TMEM178B: variants seen among roughly 807,000 people sequenced by gnomAD.
TMEM178B encodes transmembrane protein 178B.
A neutral mutation model predicts 31.0 loss-of-function variants in TMEM178B; 5 were observed. The observed-to-expected ratio is 0.16, with a 90% confidence interval of 0.08 to 0.34. The LOEUF (loss-of-function observed/expected upper bound fraction) is 0.34. TMEM178B is among the 10% of genes least tolerant of loss of function. TMEM178B has a pLI of 1.00. For missense variants in TMEM178B, 275 were observed against 400.3 expected (o/e 0.69, Z 2.67); for synonymous variants, 164 against 164.0 (o/e 1.00, Z 0.00).
At chr7:141,268,212 T>C (rs1798124414) in intron 2 of TMEM178B, among the ~76,000 whole-genome samples, 1 of 152,220 alleles carries the variant, frequency 6.6e-6, no homozygotes, top group Non-Finnish European at 1.5e-5. Flanking sequence ...AGACATTAGT[T>C]TGAAAAAAGT....
In TMEM178B at chr7:141,074,247, G is replaced by A. The variant is rs368492073; in HGVS notation, c.-64G>A. On this transcript the variant is annotated 5_prime_UTR_variant, in exon 1 of 4. Transcript: ENST00000565468. The surrounding 1 kb of genome is among the most constrained non-coding windows in gnomAD (Gnocchi z 5.1). ...CTCGGCCGCCCGCCGCTTTGTTCCG[G>A]GTGCGGCGAGGGAAGGCGAGGCTGC... 4.1e-6 allele frequency: 6 copies of A among 1,449,554 alleles called. No homozygotes were observed. The highest frequency in any genetic ancestry group is 5.4e-6 in the Non-Finnish European group (6 of 1,103,312). The allele number at this position is 1,449,554 out of a possible 1,614,324, so 89.8% of individuals were successfully genotyped here.
At chr7:141,383,724 G>GT (rs1386123725) in intron 2 of TMEM178B, among the ~76,000 whole-genome samples, 1 of 152,134 alleles carries the variant, frequency 6.6e-6, no homozygotes, top group Non-Finnish European at 1.5e-5. Flanking sequence ...AATCCTTTGG[G>GT]TATATACCCA....
At chr7:141,208,865 G>A (rs987861049) in intron 1 of TMEM178B, among the ~76,000 whole-genome samples, 10 of 152,240 alleles carry the variant, frequency 6.6e-5, no homozygotes, top group Non-Finnish European at 1.5e-4. Flanking sequence ...ACAAGAGGGA[G>A]TCACCAATCT....
At chr7:141,276,777 A>G (rs1798273299) in intron 2 of TMEM178B, among the ~76,000 whole-genome samples, 1 of 152,314 alleles carries the variant, frequency 6.6e-6, no homozygotes, top group East Asian at 1.9e-4. Context: ...TGGATGGTAG[A>G]GCCTACTTAC....
At chr7:141,427,758 A>G (rs1181733) in intron 2 of TMEM178B, among the ~76,000 whole-genome samples, 42,875 of 152,064 alleles carry the variant, frequency 0.28, 6,634 homozygotes, top group African/African-American at 0.39. Context: ...AACAGAGTGA[A>G]GTAACAATCT....
At chr7:141,385,303 A>T (rs1800411884) in intron 2 of TMEM178B, among the ~76,000 whole-genome samples, 1 of 152,188 alleles carries the variant, frequency 6.6e-6, no homozygotes, top group Non-Finnish European at 1.5e-5. Context: ...TTAACAGGGA[A>T]CCAGTCCCCT....
Position 141,292,241 on chromosome 7 carries a change from C to G in TMEM178B, c.496+79537C>G, listed in dbSNP as rs111519008. 4.0e-4 allele frequency among the ~76,000 whole-genome samples: 61 copies of G among 152,324 alleles called. 1 individual carries two copies. The highest frequency in any genetic ancestry group is 1.4e-3 in the African/African-American group (58 of 41,568). ...ATTCAGAATATTTATGCATATGGAG[C>G]ACAGCTGCAAACTTGTTGAATTTCT... On this transcript the variant is annotated intron_variant, in intron 2 of 3. Transcript: ENST00000565468.
chr7:141,381,965 T>C (rs1158036306), intron 2 of TMEM178B, among the ~76,000 whole-genome samples: 6 of 152,190 alleles, frequency 3.9e-5, no homozygotes, highest in Non-Finnish European at 8.8e-5. Flanking sequence ...TGCTATCTAG[T>C]TAATGTCTAA....
chr7:141,309,377 C>G (rs1010448494), intron 2 of TMEM178B, among the ~76,000 whole-genome samples: 3 of 152,166 alleles, frequency 2.0e-5, no homozygotes, highest in African/African-American at 7.2e-5. Flanking sequence ...ATAATACTCT[C>G]TCTCATTACA....
At chr7:141,092,659 G>T (rs1442231622) in intron 1 of TMEM178B, among the ~76,000 whole-genome samples, 1 of 152,138 alleles carries the variant, frequency 6.6e-6, no homozygotes, top group Non-Finnish European at 1.5e-5. Context: ...TGCCTATATG[G>T]AGCTCATATT....
intron 2 of TMEM178B, among the ~76,000 whole-genome samples, chr7:141,417,227 A>G (rs1265752871): frequency 6.6e-6 from 1 of 152,226 alleles, no homozygotes; most frequent in Non-Finnish European, 1.5e-5. Flanking sequence ...TTCATCCCAT[A>G]GAGATTTAGA....
At chr7:141,248,284 G>A (rs1005142339) in intron 2 of TMEM178B, among the ~76,000 whole-genome samples, 6 of 152,106 alleles carry the variant, frequency 3.9e-5, no homozygotes, top group South Asian at 2.1e-4. Context: ...GGTGGCAGGC[G>A]CCTGTAATCC....
chr7:141,217,558 C>T (rs1164096105), intron 2 of TMEM178B, among the ~76,000 whole-genome samples: 1 of 152,100 alleles, frequency 6.6e-6, no homozygotes, highest in Non-Finnish European at 1.5e-5. Flanking sequence ...GGGCAGACAC[C>T]CATTGGAAGG....
rs73514340 is a variant in TMEM178B, at chr7:141,464,188, T to A, written c.635-6348T>A. Reference sequence around the variant, plus strand: ...CACTGAGATGAAAGGAGGGGACCTTTGGGGACCCCTTTCTGTTTACTGTCT... The same window carrying A: ...CACTGAGATGAAAGGAGGGGACCTTAGGGGACCCCTTTCTGTTTACTGTCT... On this transcript the variant is annotated intron_variant, in intron 3 of 3. Coordinates refer to ENST00000565468, the MANE Select transcript of TMEM178B (RefSeq NM_001195278.2). 8.2e-3 allele frequency among the ~76,000 whole-genome samples: 1,249 copies of A among 152,262 alleles called. 16 individuals carry two copies. The highest frequency in any genetic ancestry group is 0.028 in the African/African-American group (1,171 of 41,548).
chr7:141,109,102 T>C (rs922004388), intron 1 of TMEM178B, among the ~76,000 whole-genome samples: 2 of 152,108 alleles, frequency 1.3e-5, no homozygotes, highest in Admixed American at 1.3e-4. Flanking sequence ...TCCAACTGGG[T>C]CCCTCCCACA....
In TMEM178B at chr7:141,474,752, T is replaced by A. The variant is rs1387649320; in HGVS notation, c.*3966T>A. 1 of 152,144 alleles carries A rather than the reference T, an allele frequency of 6.6e-6. No homozygotes were observed. Among genetic ancestry groups the A allele is most frequent in the Admixed American group, 6.5e-5 (1 of 15,284 alleles). The allele number at this position is 152,144 out of a possible 1,614,324, so 9.4% of individuals were successfully genotyped here. On this transcript the variant is annotated 3_prime_UTR_variant, in exon 4 of 4. Transcript: ENST00000565468. ...CACACTCATGATAAGATGCCGGAAA[T>A]GAATGCACTGTGTGTAGCTGTCTTG...
At chr7:141,167,036 A>G (rs1489076178) in intron 1 of TMEM178B, among the ~76,000 whole-genome samples, 2 of 152,234 alleles carry the variant, frequency 1.3e-5, no homozygotes, top group African/African-American at 4.8e-5. Flanking sequence ...GTTAAAGATC[A>G]TAGCCAGTAG....
chr7:141,216,446 TGTGCGC>T (rs1326729902), intron 2 of TMEM178B, among the ~76,000 whole-genome samples: 9 of 53,422 alleles, frequency 1.7e-4, no homozygotes, highest in African/African-American at 4.1e-4. Flanking sequence ...TGTGTGTGTG[TGTGCGC>T]GCGCGCGCGC....
chr7:141,380,348 TG>T (rs1800292131), intron 2 of TMEM178B, among the ~76,000 whole-genome samples: 1 of 152,210 alleles, frequency 6.6e-6, no homozygotes, highest in Non-Finnish European at 1.5e-5. Flanking sequence ...GGAGACTCTA[TG>T]TTTCTTATAT....
Sources: gnomAD v4.1 joint callset for allele counts (sites outside exome capture counted in the v4.1 genomes callset) on GRCh38, gnomAD v4.1.1 for gene constraint, Gnocchi (gnomAD v3.1) non-coding constraint, MANE v1.5 for transcripts, NCBI Gene and HGNC (gene_info 2026-07-23, HGNC 2026-07-21) for gene names.